The following CORO2B variants were observed in gnomAD, a reference collection of about 807,000 sequenced individuals.
CORO2B encodes coronin-2B.
Under a neutral mutation model 58.8 loss-of-function variants are expected in CORO2B, and 26 were observed. That is an observed-to-expected ratio of 0.44 (90% CI 0.32 to 0.61). The LOEUF (loss-of-function observed/expected upper bound fraction) is 0.61. CORO2B is among the 20% of genes least tolerant of loss of function. CORO2B has a pLI of 0.04. For missense variants in CORO2B, 460 were observed against 645.1 expected (o/e 0.71, Z 3.11); for synonymous variants, 242 against 253.8 (o/e 0.95, Z 0.44).
chr15:68,668,034 G>A (rs934895932), intron 2 of CORO2B, among the ~76,000 whole-genome samples: 1 of 152,248 alleles, frequency 6.6e-6, no homozygotes, highest in Admixed American at 6.5e-5. Flanking sequence ...GCCAGGGACT[G>A]TTCTAAGCTC....
chr15:68,714,485 A>C (rs1892986568), intron 6 of CORO2B, 74 bp from the exon 7 acceptor site: 2 of 1,136,440 alleles, frequency 1.8e-6, no homozygotes, highest in Admixed American at 1.7e-5. Context: ...CCATCCTAAG[A>C]GGCCTTCCTG....
the CORO2B span, among the ~76,000 whole-genome samples, chr15:68,569,020 G>A: frequency 6.6e-6 from 1 of 151,894 alleles, no homozygotes; most frequent in Non-Finnish European, 1.5e-5. Context: ...AAAAAAAGAA[G>A]AAAAATACAC....
intron 8 of CORO2B, among the ~76,000 whole-genome samples, chr15:68,717,981 G>A (rs74020293): frequency 0.013 from 2,032 of 152,308 alleles, 58 homozygotes; most frequent in African/African-American, 0.047. Context: ...AGCTCAGAGA[G>A]TTGTAACTTG....
At chr15:68,692,239 A>C (rs1892395673) in intron 2 of CORO2B, among the ~76,000 whole-genome samples, 1 of 152,192 alleles carries the variant, frequency 6.6e-6, no homozygotes, top group African/African-American at 2.4e-5. Context: ...AGTTAAAGAT[A>C]ACGTGCGTAA....
At chr15:68,536,321 T>C in the CORO2B span, among the ~76,000 whole-genome samples, 1 of 152,208 alleles carries the variant, frequency 6.6e-6, no homozygotes, top group Non-Finnish European at 1.5e-5. Flanking sequence ...ATCACAAGAA[T>C]TTCATGTGAC....
chr15:68,649,382 G>A (rs985153982), intron 2 of CORO2B, among the ~76,000 whole-genome samples: 3 of 152,118 alleles, frequency 2.0e-5, no homozygotes, highest in African/African-American at 7.2e-5. Context: ...CATGAGTACT[G>A]AGTGATTGTG....
the CORO2B span, among the ~76,000 whole-genome samples, chr15:68,531,500 AAAGGAAGGAAGG>A: frequency 0.051 from 5,813 of 113,706 alleles, 247 homozygotes; most frequent in African/African-American, 0.097. Flanking sequence ...GTATCTCAAA[AAAGGAAGGAAGG>A]AAGGAAGGAA....
chr15:68,520,659 A>G, the CORO2B span, among the ~76,000 whole-genome samples: 1 of 152,236 alleles, frequency 6.6e-6, no homozygotes, highest in African/African-American at 2.4e-5. Flanking sequence ...TGCTATTTTT[A>G]TAAGTCAAAT....
At chr15:68,623,480 C>T (rs750389874) in intron 1 of CORO2B, among the ~76,000 whole-genome samples, 69 of 152,284 alleles carry the variant, frequency 4.5e-4, no homozygotes, top group Admixed American at 5.2e-4. Flanking sequence ...ACACCACCTC[C>T]TCACCCCCAC....
intron 2 of CORO2B, among the ~76,000 whole-genome samples, chr15:68,668,976 G>A (rs1423089093): frequency 6.6e-6 from 1 of 151,980 alleles, no homozygotes; most frequent in African/African-American, 2.4e-5. Flanking sequence ...TACTCGGGAG[G>A]CTGAAGCAGC....
chr15:68,594,166 G>A (rs1391619822), intron 1 of CORO2B, among the ~76,000 whole-genome samples: 2 of 152,172 alleles, frequency 1.3e-5, no homozygotes, highest in Middle Eastern at 3.2e-3. Context: ...CCTCTAAATC[G>A]CTGAGGTTTG....
At chr15:68,531,782 C>A in the CORO2B span, among the ~76,000 whole-genome samples, 2 of 151,002 alleles carry the variant, frequency 1.3e-5, no homozygotes, top group Non-Finnish European at 2.9e-5. Context: ...AAGTTTCCAT[C>A]TAGTATCATT....
At chr15:68,590,447 C>T (rs1312496794) in intron 1 of CORO2B, among the ~76,000 whole-genome samples, 2 of 152,048 alleles carry the variant, frequency 1.3e-5, no homozygotes, top group African/African-American at 4.8e-5. Context: ...AGACAGCCTC[C>T]GAGAGGATGG....
chr15:68,676,321 T>C lies in CORO2B; in HGVS notation c.217-18819T>C, dbSNP rs372529370. Among the ~76,000 whole-genome samples the C allele has an allele frequency of 1.5e-4, 23 of 152,334 alleles. No homozygotes were observed. In the East Asian group the frequency reaches 4.2e-3, roughly 28 times the overall value. On this transcript the variant is annotated intron_variant, in intron 2 of 11. Transcript: ENST00000261861. ...GAGGGACATAGGAGTCATGATGAGC[T>C]GCACAAACCCTCCAGAGGATTCTGA...
intron 2 of CORO2B, among the ~76,000 whole-genome samples, chr15:68,684,387 G>A (rs182620277): frequency 6.6e-6 from 1 of 152,240 alleles, no homozygotes. Context: ...TGAAATAGGG[G>A]ACATGAGACA....
At chr15:68,719,317 T>TC in intron 10 of CORO2B, 83 bp downstream of exon 10, 1 of 1,595,060 alleles carries the variant, frequency 6.3e-7, no homozygotes, top group South Asian at 1.1e-5. Flanking sequence ...TCCTTGTCTG[T>TC]CCCCCTGTTT....
the CORO2B span, chr15:68,559,600 CA>C: frequency 1.0e-6 from 1 of 985,386 alleles, no homozygotes; most frequent in Non-Finnish European, 1.2e-6. The surrounding 1 kb of genome is among the most constrained non-coding windows in gnomAD (Gnocchi z 4.3). Flanking sequence ...GCAGACGGAA[CA>C]AGCGTGCTGA....
intron 2 of CORO2B, among the ~76,000 whole-genome samples, chr15:68,668,268 C>A (rs1049725753): frequency 6.8e-6 from 1 of 146,076 alleles, no homozygotes; most frequent in African/African-American, 2.5e-5. Flanking sequence ...GCAGGCATGG[C>A]CCAGGGCTGG....
chr15:68,670,492 T>C (rs1229566616), intron 2 of CORO2B, among the ~76,000 whole-genome samples: 2 of 152,198 alleles, frequency 1.3e-5, no homozygotes, highest in Non-Finnish European at 2.9e-5. Flanking sequence ...CAAAAATATT[T>C]AGAATCATTA....
Sources: allele counts gnomAD v4.1 joint callset (sites outside exome capture counted in the v4.1 genomes callset), GRCh38; gene constraint gnomAD v4.1.1; non-coding constraint Gnocchi (gnomAD v3.1); transcripts MANE v1.5; gene names NCBI Gene and HGNC (gene_info 2026-07-23, HGNC 2026-07-21).